MTMR10: variants seen among roughly 807,000 people sequenced by gnomAD.
MTMR10 encodes the protein myotubularin related protein 10, also known as myotubularin-related protein 10.
A neutral mutation model predicts 88.1 loss-of-function variants in MTMR10; 56 were observed. The ratio of observed to expected loss-of-function variants is 0.64; its 90% CI spans 0.51 to 0.79. MTMR10 has a LOEUF of 0.79. Ranked by LOEUF, MTMR10 falls within the 30% of genes least tolerant of loss-of-function variation. MTMR10 has a pLI of 0.00. For missense variants in MTMR10, 883 were observed against 924.7 expected (o/e 0.95, Z 0.58); for synonymous variants, 380 against 340.9 (o/e 1.11, Z -1.26).
rs898379724 is a variant in MTMR10 at position 30,990,653 on chromosome 15, A to G, written c.121+124T>C. On this transcript the variant is annotated intron_variant, in intron 2 of 15. Coordinates refer to ENST00000435680, the MANE Select transcript of MTMR10 (RefSeq NM_017762.3). ...GTTCCTTTTTCTCCTCTCAGTCACT[A>G]GACTTTTAACTGGAGAAAGTTTAAT... The G allele has an allele frequency of 1.8e-5, 14 of 798,170 alleles. No homozygotes were observed. In the Admixed American group the frequency reaches 2.4e-4, roughly 14 times the overall value. The allele number at this position is 798,170 out of a possible 1,614,324, so 49.4% of individuals were successfully genotyped here.
At chr15:30,989,137 T>C (rs1205600635) in intron 2 of MTMR10, among the ~76,000 whole-genome samples, 1 of 151,866 alleles carries the variant, frequency 6.6e-6, no homozygotes, top group Non-Finnish European at 1.5e-5. Context: ...CTGTTCAGAG[T>C]AAACGAAGTC....
At chr15:30,962,098 TC>T (rs2141025344) in intron 6 of MTMR10, among the ~76,000 whole-genome samples, 1 of 152,350 alleles carries the variant, frequency 6.6e-6, no homozygotes, top group African/African-American at 2.4e-5. Flanking sequence ...GGTTCCTTGT[TC>T]TTTGCTAGAG....
At position 30,958,934 on chromosome 15, in the gene MTMR10, G is replaced by C; in HGVS notation, c.864C>G (p.His288Gln). 1 of 1,614,028 alleles carries C rather than the reference G, an allele frequency of 6.2e-7. No homozygotes were observed. Among genetic ancestry groups the C allele is most frequent in the South Asian group, 1.1e-5 (1 of 91,084 alleles). Residue 288 changes from histidine to glutamine, a missense_variant, in exon 9 of 16, where the codon CAC becomes CAG. Physicochemically the swap from His to Gln is conservative, Grantham distance 24. Transcript: ENST00000435680. ...TTCGCACAAGAGCACTGCCGTTAGAGTGGCTCCAGCACCAGAGCTAGGGGA... is the reference window on the plus strand; with the variant it reads ...TTCGCACAAGAGCACTGCCGTTAGACTGGCTCCAGCACCAGAGCTAGGGGA... ...GRRMPLWCWSHSNGSALVRMA... is the reference protein window; with the variant it reads ...GRRMPLWCWSQSNGSALVRMA...
At chr15:30,933,944 T>C (rs549764565), downstream of MTMR10, among the ~76,000 whole-genome samples, 3 of 152,174 alleles carry the variant, frequency 2.0e-5, no homozygotes, top group African/African-American at 7.2e-5. Flanking sequence ...TTATTTTTTG[T>C]AGAGATGGGG....
chr15:30,963,987 A>C (rs1379488555), intron 6 of MTMR10, among the ~76,000 whole-genome samples: 1 of 151,984 alleles, frequency 6.6e-6, no homozygotes, highest in African/African-American at 2.4e-5. Flanking sequence ...AGAAAAACAT[A>C]TGATAGATAC....
intron 2 of MTMR10, among the ~76,000 whole-genome samples, chr15:30,989,038 A>G (rs1392005440): frequency 1.3e-5 from 2 of 151,994 alleles, no homozygotes; most frequent in Non-Finnish European, 2.9e-5. Context: ...TTAAAAAGCA[A>G]GCACTGACAT....
rs1417855170 is a variant in MTMR10 at position 30,976,908 on chromosome 15, T to C, written c.169A>G (p.Thr57Ala). 3.1e-6 allele frequency: 5 copies of C among 1,613,700 alleles called. No individual in the cohort carries two copies. Among genetic ancestry groups the C allele is most frequent in the South Asian group, 1.1e-5 (1 of 90,956 alleles). ...CACAAATCGTACTGGCTTGTGTCTG[T>C]TGCAATGCATTTTCTCACAAAATTG... The part of the protein sequence containing the change: ...EVNFVRKCIA[T>A]DTSQYDLWGK... The change falls in exon 3 of 16, where the codon ACA becomes GCA. Residue 57 changes from threonine to alanine, a missense_variant. By Grantham distance (58) the Thr-to-Ala change is moderately conservative. Coordinates refer to ENST00000435680, the MANE Select transcript of MTMR10 (RefSeq NM_017762.3).
intron 9 of MTMR10, among the ~76,000 whole-genome samples, chr15:30,957,099 G>C (rs1414396247): frequency 6.6e-6 from 1 of 152,102 alleles, no homozygotes; most frequent in African/African-American, 2.4e-5. Context: ...GTACCAAAAA[G>C]GACTGTGATA....
chr15:30,942,198 C>T (rs772209499), intron 15 of MTMR10, 126 bp from the exon 16 acceptor site: 82 of 1,193,948 alleles, frequency 6.9e-5, no homozygotes, highest in Admixed American at 1.1e-4. Flanking sequence ...GAACATTTTC[C>T]TCCCTTCCTT....
chr15:30,954,940 T>C (rs372713362), intron 9 of MTMR10, 47 bp from the exon 10 acceptor site: 1 of 1,474,440 alleles, frequency 6.8e-7, no homozygotes, highest in East Asian at 2.5e-5. Flanking sequence ...CATTTCAGCA[T>C]ATATTTATTT....
intron 12 of MTMR10, among the ~76,000 whole-genome samples, chr15:30,951,741 C>A (rs967920664): frequency 6.6e-6 from 1 of 152,164 alleles, no homozygotes; most frequent in Admixed American, 6.5e-5. Context: ...CTCAAGTGAT[C>A]CGCCCGCCTC....
the MTMR10 span, chr15:30,928,790 A>G: frequency 6.7e-7 from 1 of 1,484,664 alleles, no homozygotes; most frequent in Non-Finnish European, 8.9e-7. Flanking sequence ...ACAGGTCAAG[A>G]TGATAACTTA....
chr15:30,969,527 T>C (rs2063512313), intron 5 of MTMR10, among the ~76,000 whole-genome samples: 1 of 152,196 alleles, frequency 6.6e-6, no homozygotes, highest in African/African-American at 2.4e-5. Context: ...TTTTTCATAG[T>C]TGTCCATTTT....
chr15:30,921,940 G>A, the MTMR10 span, among the ~76,000 whole-genome samples: 2 of 152,108 alleles, frequency 1.3e-5, no homozygotes, highest in East Asian at 3.8e-4. Flanking sequence ...GACCCTGTGC[G>A]ACTCTGCACT....
intron 5 of MTMR10, among the ~76,000 whole-genome samples, chr15:30,973,227 A>G (rs1221399759): frequency 6.6e-6 from 1 of 152,182 alleles, no homozygotes; most frequent in Non-Finnish European, 1.5e-5. Context: ...TGAATTTTCA[A>G]TAATGCAGCT....
chr15:30,968,951 G>A (rs2063504632), intron 5 of MTMR10, among the ~76,000 whole-genome samples: 1 of 152,028 alleles, frequency 6.6e-6, no homozygotes, highest in South Asian at 2.1e-4. Context: ...GACGAAAGAA[G>A]AAATTTAAGA....
intron 5 of MTMR10, among the ~76,000 whole-genome samples, chr15:30,969,623 C>T (rs1016832172): frequency 3.3e-5 from 5 of 152,172 alleles, no homozygotes; most frequent in African/African-American, 1.2e-4. Flanking sequence ...ATCTACAAAA[C>T]TTAAGGATTA....
chr15:30,920,538 AT>A, the MTMR10 span: 1 of 1,590,618 alleles, frequency 6.3e-7, no homozygotes, highest in East Asian at 2.2e-5. Context: ...ATATGTCTTC[AT>A]TTTAGATGCC....
At chr15:30,925,530 TG>T in the MTMR10 span, among the ~76,000 whole-genome samples, 1 of 152,182 alleles carries the variant, frequency 6.6e-6, no homozygotes, top group Admixed American at 6.5e-5. Flanking sequence ...ATCTCCTGAA[TG>T]GGGCCTCTCA....
Sources: allele counts gnomAD v4.1 joint callset (sites outside exome capture counted in the v4.1 genomes callset), GRCh38; gene constraint gnomAD v4.1.1; transcripts MANE v1.5; gene names NCBI Gene and HGNC (gene_info 2026-07-23, HGNC 2026-07-21).